Variants in NFIB observed in about 807,000 individuals in gnomAD.
The protein encoded by NFIB is nuclear factor I B.
In NFIB, 11 loss-of-function variants were observed where a neutral mutation model predicts 61.5. That is an observed-to-expected ratio of 0.18 (90% CI 0.11 to 0.30). The LOEUF is 0.30. NFIB is among the 10% of genes least tolerant of loss of function. NFIB has a pLI of 1.00. For synonymous variants in NFIB, 260 were observed against 216.5 expected (o/e 1.20, Z -1.76); for missense variants, 471 against 608.9 (o/e 0.77, Z 2.38).
chr9:14,118,186 G>C (rs1005895011), intron 8 of NFIB, among the ~76,000 whole-genome samples: 6 of 151,924 alleles, frequency 3.9e-5, no homozygotes, highest in Admixed American at 2.0e-4. Flanking sequence ...ATCCATTTCT[G>C]GTTATCTGAA....
rs113338012 is a variant in NFIB, at chr9:14,363,710, G to T, written c.108+34814C>A. ...GTAGCATAGAAAGTGGAAATCCCCC[G>T]TAATCCCACACAGCTGAGAAAAGCA... On this transcript the variant is annotated intron_variant, in intron 1 of 8. Coordinates refer to the NFIB transcript ENST00000380934. Among the ~76,000 whole-genome samples, 3 of 151,670 alleles carry T rather than the reference G, an allele frequency of 2.0e-5. No homozygotes were observed. In the East Asian group the frequency reaches 5.8e-4, roughly 29 times the overall value.
At chr9:14,199,523 G>C (rs2048797643) in intron 2 of NFIB, among the ~76,000 whole-genome samples, 1 of 152,170 alleles carries the variant, frequency 6.6e-6, no homozygotes. Flanking sequence ...GTTTCCTTAA[G>C]GAAGTGGTAA....
At chr9:14,287,474 A>G (rs1434278396) in intron 2 of NFIB, among the ~76,000 whole-genome samples, 1 of 151,552 alleles carries the variant, frequency 6.6e-6, no homozygotes, top group Non-Finnish European at 1.5e-5. Flanking sequence ...CTCAGGCCGC[A>G]GCGCAATGGC....
At chr9:14,490,077 A>G in the NFIB span, among the ~76,000 whole-genome samples, 2 of 152,162 alleles carry the variant, frequency 1.3e-5, no homozygotes, top group African/African-American at 2.4e-5. Context: ...TGTAATTCTG[A>G]TAAGTTGCCA....
At chr9:14,409,281 T>C in the NFIB span, among the ~76,000 whole-genome samples, 1 of 152,188 alleles carries the variant, frequency 6.6e-6, no homozygotes, top group Non-Finnish European at 1.5e-5. Context: ...ATAATGGCTG[T>C]TTAACAACTG....
chr9:14,248,525 C>T (rs536688691), intron 2 of NFIB, among the ~76,000 whole-genome samples: 2 of 152,298 alleles, frequency 1.3e-5, no homozygotes, highest in African/African-American at 2.4e-5. Context: ...CCTGCCTTAG[C>T]CTCCCCAAAT....
Position 14,084,999 on chromosome 9 carries a change from CTG to C in NFIB, c.*3308_*3309del. On this transcript the variant is annotated 3_prime_UTR_variant, in exon 11 of 11. Transcript: ENST00000380953. ...AGAGCGAGTCTGCCTTTAAAAAATA[CTG>C]TGTGTCCTGTGAGGTTCATTTGTTC... The C allele has an allele frequency of 4.4e-6, 1 of 228,954 alleles. No homozygotes were observed. The highest frequency in any genetic ancestry group is 8.7e-6 in the Non-Finnish European group (1 of 115,138). The allele number at this position is 228,954 out of a possible 1,614,324, so 14.2% of individuals were successfully genotyped here. A position where few individuals can be genotyped will look rare whatever the true frequency, so the allele number is the denominator to read the frequency against.
chr9:14,247,552 G>T (rs1300691901), intron 2 of NFIB, among the ~76,000 whole-genome samples: 1 of 152,240 alleles, frequency 6.6e-6, no homozygotes, highest in Admixed American at 6.5e-5. Context: ...ATCTGACACT[G>T]CACAGGCACC....
chr9:14,380,476 G>A (rs182687170), intron 1 of NFIB, among the ~76,000 whole-genome samples: 6 of 152,306 alleles, frequency 3.9e-5, no homozygotes, highest in Admixed American at 6.5e-5. Flanking sequence ...CATTCACTTT[G>A]CATCAATTCC....
the NFIB span, among the ~76,000 whole-genome samples, chr9:14,493,471 T>C: frequency 2.6e-5 from 4 of 152,246 alleles, no homozygotes; most frequent in Admixed American, 2.6e-4. Flanking sequence ...AATTCCTGAA[T>C]GTATTCCACT....
At position 14,084,763 on chromosome 9, in the gene NFIB, T is replaced by C. The variant is rs938666173; in HGVS notation, c.*3546A>G. On this transcript the variant is annotated 3_prime_UTR_variant, in exon 11 of 11. Coordinates refer to ENST00000380953, the MANE Select transcript of NFIB (RefSeq NM_001190737.2). ...GTGGGGCCCTTCGTCAGAATATACTTCCTGGTACACGAGGAGGAGGCCGAA... is the reference window on the plus strand; with the variant it reads ...GTGGGGCCCTTCGTCAGAATATACTCCCTGGTACACGAGGAGGAGGCCGAA... 9 of 229,426 alleles carry C rather than the reference T, an allele frequency of 3.9e-5. No individual in the cohort carries two copies. The highest frequency in any genetic ancestry group is 1.8e-4 in the African/African-American group (8 of 45,110). The allele number at this position is 229,426 out of a possible 1,614,324, so 14.2% of individuals were successfully genotyped here.
At chr9:14,190,069 A>G (rs1402461626) in intron 2 of NFIB, among the ~76,000 whole-genome samples, 2 of 152,124 alleles carry the variant, frequency 1.3e-5, no homozygotes, top group Non-Finnish European at 2.9e-5. Flanking sequence ...TAAATTGGAT[A>G]CAGATTTCTC....
At chr9:14,278,572 G>A (rs967911302) in intron 2 of NFIB, among the ~76,000 whole-genome samples, 1 of 152,170 alleles carries the variant, frequency 6.6e-6, no homozygotes, top group African/African-American at 2.4e-5. Flanking sequence ...CTGAGTGAGC[G>A]GAGCCTAGAA....
chr9:14,371,436 G>A (rs2061357669), intron 1 of NFIB, among the ~76,000 whole-genome samples: 2 of 152,170 alleles, frequency 1.3e-5, no homozygotes, highest in South Asian at 4.1e-4. Context: ...TCACTGGCTG[G>A]GGAGTCAGGG....
intron 2 of NFIB, among the ~76,000 whole-genome samples, chr9:14,283,387 A>G (rs1191405506): frequency 2.0e-5 from 3 of 152,248 alleles, no homozygotes; most frequent in Non-Finnish European, 4.4e-5. Flanking sequence ...AAATGCAAGC[A>G]TACTAGTGTC....
At chr9:14,155,497 A>C (rs994770429) in intron 4 of NFIB, among the ~76,000 whole-genome samples, 3 of 152,184 alleles carry the variant, frequency 2.0e-5, no homozygotes, top group African/African-American at 7.2e-5. Context: ...TTATCATAAC[A>C]ACATAGAGTA....
At chr9:14,096,869 T>C (rs898161001) in intron 10 of NFIB, among the ~76,000 whole-genome samples, 1 of 152,204 alleles carries the variant, frequency 6.6e-6, no homozygotes, top group Non-Finnish European at 1.5e-5. Flanking sequence ...TGCTGACCCA[T>C]TTCCTGTGGG....
chr9:14,489,037 C>A, the NFIB span, among the ~76,000 whole-genome samples: 3 of 149,934 alleles, frequency 2.0e-5, no homozygotes. Context: ...ACTATTTAAG[C>A]CCTAGGCCAA....
intron 1 of NFIB, among the ~76,000 whole-genome samples, chr9:14,309,338 G>A (rs978836424): frequency 1.3e-5 from 2 of 152,194 alleles, no homozygotes; most frequent in African/African-American, 4.8e-5. Flanking sequence ...GATATGGAAG[G>A]AGTACATGTC....
Sources: gnomAD v4.1 joint callset for allele counts (sites outside exome capture counted in the v4.1 genomes callset) on GRCh38, gnomAD v4.1.1 for gene constraint, MANE v1.5 for transcripts, NCBI Gene and HGNC (gene_info 2026-07-23, HGNC 2026-07-21) for gene names.